LOC122539214: variants seen among roughly 807,000 people sequenced by gnomAD.
chr19:52,672,874 C>CA, the LOC122539214 span, among the ~76,000 whole-genome samples: 1 of 151,644 alleles, frequency 6.6e-6, no homozygotes, highest in Non-Finnish European at 1.5e-5. Flanking sequence ...CCGTGCATGG[C>CA]AAAAAAGTTT....
the LOC122539214 span, among the ~76,000 whole-genome samples, chr19:52,661,317 T>C: frequency 7.9e-5 from 12 of 152,146 alleles, no homozygotes; most frequent in African/African-American, 2.9e-4. Flanking sequence ...AAGGGTAATT[T>C]TGACCCATTT....
the LOC122539214 span, among the ~76,000 whole-genome samples, chr19:52,687,667 T>C: frequency 6.7e-5 from 7 of 104,324 alleles, 1 homozygote; most frequent in African/African-American, 9.2e-5. Flanking sequence ...AATGTATATA[T>C]ATATATAACT....
chr19:52,669,818 C>T, the LOC122539214 span, among the ~76,000 whole-genome samples: 2 of 152,258 alleles, frequency 1.3e-5, no homozygotes, highest in South Asian at 2.1e-4. Context: ...TGCAGAGGCT[C>T]ATAAAAATGG....
chr19:52,665,747 G>C, the LOC122539214 span, among the ~76,000 whole-genome samples: 1 of 152,138 alleles, frequency 6.6e-6, no homozygotes, highest in African/African-American at 2.4e-5. Context: ...AATCCTAGCC[G>C]ATAGGGGAAT....
At chr19:52,679,406 T>A in the LOC122539214 span, among the ~76,000 whole-genome samples, 1 of 151,768 alleles carries the variant, frequency 6.6e-6, no homozygotes, top group African/African-American at 2.4e-5. Flanking sequence ...TGGTCAGGAG[T>A]TCAAGACAAG....
chr19:52,651,368 C>A, the LOC122539214 span: 1 of 152,328 alleles, frequency 6.6e-6, no homozygotes, highest in South Asian at 2.1e-4. Flanking sequence ...TTTACAGATT[C>A]TCCTAACTTG....
the LOC122539214 span, among the ~76,000 whole-genome samples, chr19:52,685,875 G>A: frequency 8.3e-4 from 122 of 146,880 alleles, 1 homozygote; most frequent in Non-Finnish European, 1.5e-3. Context: ...TTCCAGCCTG[G>A]GGAACAAGAG....
the LOC122539214 span, among the ~76,000 whole-genome samples, chr19:52,660,050 G>C: frequency 1.3e-5 from 2 of 152,062 alleles, no homozygotes; most frequent in Admixed American, 1.3e-4. Context: ...AATTAGCGGG[G>C]TGTGGTGGTG....
At chr19:52,677,306 T>TA in the LOC122539214 span, among the ~76,000 whole-genome samples, 376 of 106,396 alleles carry the variant, frequency 3.5e-3, no homozygotes, top group East Asian at 0.027. Flanking sequence ...AATTGAGAAG[T>TA]AAAAAAAAAA....
At chr19:52,667,034 G>C in the LOC122539214 span, among the ~76,000 whole-genome samples, 36 of 152,206 alleles carry the variant, frequency 2.4e-4, 1 homozygote, top group East Asian at 6.8e-3. Context: ...AAGTTAATAT[G>C]GACTGAACAA....
At chr19:52,664,922 C>T in the LOC122539214 span, among the ~76,000 whole-genome samples, 1 of 152,090 alleles carries the variant, frequency 6.6e-6, no homozygotes, top group Non-Finnish European at 1.5e-5. Flanking sequence ...GAAATAGTAC[C>T]TCCCTGAGAA....
chr19:52,659,604 A>C, the LOC122539214 span, among the ~76,000 whole-genome samples: 1 of 124,276 alleles, frequency 8.0e-6, no homozygotes, highest in East Asian at 2.0e-4. Flanking sequence ...ACAGAGCAAG[A>C]CTCCAACTCA....
chr19:52,682,452 C>T, the LOC122539214 span, among the ~76,000 whole-genome samples: 1 of 152,014 alleles, frequency 6.6e-6, no homozygotes, highest in African/African-American at 2.4e-5. Flanking sequence ...GTGGGCAGAT[C>T]ACAAGGTCAG....
At chr19:52,671,924 G>GA in the LOC122539214 span, among the ~76,000 whole-genome samples, 64 of 152,180 alleles carry the variant, frequency 4.2e-4, no homozygotes, top group African/African-American at 1.3e-3. Context: ...CTTGGGCCCT[G>GA]AAAAAATATA....
At chr19:52,687,609 A>G in the LOC122539214 span, among the ~76,000 whole-genome samples, 1 of 19,428 alleles carries the variant, frequency 5.1e-5, no homozygotes, top group African/African-American at 5.0e-4. Context: ...GTATATATAT[A>G]TAATGTGTAT....
At chr19:52,654,585 T>G in the LOC122539214 span, among the ~76,000 whole-genome samples, 3 of 152,054 alleles carry the variant, frequency 2.0e-5, no homozygotes, top group African/African-American at 7.2e-5. Context: ...GGCATGGTGG[T>G]GGATGCCTGT....
chr19:52,676,125 C>G, the LOC122539214 span, among the ~76,000 whole-genome samples: 2 of 152,174 alleles, frequency 1.3e-5, no homozygotes, highest in African/African-American at 2.4e-5. Context: ...CAATTGCAGG[C>G]GCGCGCCGCC....
chr19:52,669,815 G>A, the LOC122539214 span, among the ~76,000 whole-genome samples: 1 of 152,124 alleles, frequency 6.6e-6, no homozygotes, highest in Non-Finnish European at 1.5e-5. Flanking sequence ...TGGTGCAGAG[G>A]CTCATAAAAA....
the LOC122539214 span, among the ~76,000 whole-genome samples, chr19:52,684,175 C>T: frequency 9.1e-3 from 1,380 of 152,128 alleles, 23 homozygotes; most frequent in African/African-American, 0.031. Context: ...TTGAGACCAG[C>T]CTGGCCAACA....
Sources: allele counts gnomAD v4.1 joint callset (sites outside exome capture counted in the v4.1 genomes callset), GRCh38; gene constraint gnomAD v4.1.1; transcripts MANE v1.5.